The following TICAM1 variants were observed in gnomAD, a reference collection of about 807,000 sequenced individuals.
The protein encoded by TICAM1 is TIR domain-containing adapter molecule 1.
For synonymous variants in TICAM1, 439 were observed against 415.4 expected (o/e 1.06, Z -0.69); for missense variants, 895 against 938.2 (o/e 0.95, Z 0.60).
At chr19:4,821,112 C>T (rs1431968543) in intron 1 of TICAM1, among the ~76,000 whole-genome samples, 1 of 151,152 alleles carries the variant, frequency 6.6e-6, no homozygotes, top group African/African-American at 2.4e-5. Context: ...AGGAGAATCA[C>T]TTGAACCCAA....
chr19:4,816,318 AC>A lies in TICAM1; in HGVS notation c.2059del (p.Val687TyrfsTer5). 1 of 1,553,486 alleles carries A rather than the reference AC, an allele frequency of 6.4e-7. No homozygotes were observed. The highest frequency in any genetic ancestry group is 8.7e-7 in the Non-Finnish European group (1 of 1,151,796). On this transcript the variant is annotated frameshift_variant, in exon 2 of 2. Transcript: ENST00000248244. LOFTEE classifies it low-confidence loss of function (END_TRUNC). The surrounding 1 kb of genome is among the most constrained non-coding windows in gnomAD (Gnocchi z 4.3). ...QPLIIHHAQM[V>X]QLGLNNHMWN... is the part of the protein sequence containing the mutation. ...CATGTGGTTGTTCAGCCCCAGCTGT[AC>A]CATCTGTGCGTGGTGGATAATGAGG...
At position 4,816,489 on chromosome 19, in the gene TICAM1, G is replaced by T. The variant is rs749105540; in HGVS notation, c.1889C>A (p.Pro630Gln). The T allele has an allele frequency of 6.4e-7, 1 of 1,572,350 alleles. No homozygotes were observed. Among genetic ancestry groups the T allele is most frequent in the Non-Finnish European group, 8.6e-7 (1 of 1,161,242 alleles). Residue 630 changes from proline (P) to glutamine (Q), a missense_variant, in exon 2 of 2, where the codon CCG becomes CAG. Physicochemically the swap from Pro to Gln is moderately conservative, Grantham distance 76. Coordinates refer to ENST00000248244, the MANE Select transcript of TICAM1 (RefSeq NM_182919.4). This position sits in a 1 kb window ranked among gnomAD's most constrained non-coding sequence, Gnocchi z 4.3. ...PFPTWPGCPQ[P>Q]PPLHAWQAGT... ...AGCCTGCCATGCGTGCAGGGGTGGC[G>T]GCTGCGGGCACCCCGGCCAAGTGGG... is the stretch of plus-strand genomic sequence containing the variant.
chr19:4,819,811 G>T (rs958886404), intron 1 of TICAM1, among the ~76,000 whole-genome samples: 3 of 151,976 alleles, frequency 2.0e-5, no homozygotes, highest in Non-Finnish European at 4.4e-5. Flanking sequence ...GGAGGCAGAG[G>T]TTGCAGTGAG....
At chr19:4,824,094 C>G (rs1458251502) in intron 1 of TICAM1, among the ~76,000 whole-genome samples, 1 of 152,082 alleles carries the variant, frequency 6.6e-6, no homozygotes, top group Non-Finnish European at 1.5e-5. Context: ...CTGCCACCCC[C>G]CTCTCCTGGG....
intron 1 of TICAM1, among the ~76,000 whole-genome samples, chr19:4,830,208 C>T (rs2093611900): frequency 6.6e-6 from 1 of 152,082 alleles, no homozygotes; most frequent in Admixed American, 6.6e-5. Context: ...CCACCTCAGC[C>T]TCCCGAGTAG....
chr19:4,827,220 G>T (rs181325255), intron 1 of TICAM1, among the ~76,000 whole-genome samples: 2 of 151,006 alleles, frequency 1.3e-5, no homozygotes, highest in African/African-American at 4.8e-5. Context: ...GCATGGTGGC[G>T]CAAGCCTGTA....
chr19:4,830,610 C>A (rs2093612364), intron 1 of TICAM1, among the ~76,000 whole-genome samples: 1 of 152,322 alleles, frequency 6.6e-6, no homozygotes, highest in South Asian at 2.1e-4. Context: ...TCAAGGCAGG[C>A]ACATCTACCC....
chr19:4,828,980 G>A (rs1049748814), intron 1 of TICAM1, among the ~76,000 whole-genome samples: 1 of 151,956 alleles, frequency 6.6e-6, no homozygotes, highest in African/African-American at 2.4e-5. Context: ...GATTACAGGC[G>A]TTAGCCACCA....
chr19:4,817,986 T>C lies in TICAM1; in HGVS notation c.392A>G (p.His131Arg), dbSNP rs564906226. ...AVRTLSSRDD[H>R]RLGELQDEAR... ...CTCATCCTGAAGTTCCCCCAGCCGG[T>C]GGTCGTCCCTGGAGCTGAGGGTGCG... Residue 131 changes from histidine to arginine, a missense_variant, in exon 2 of 2, where the codon CAC (histidine) becomes CGC (arginine). Coordinates refer to ENST00000248244, the MANE Select transcript of TICAM1 (RefSeq NM_182919.4). The surrounding 1 kb of genome is among the most constrained non-coding windows in gnomAD (Gnocchi z 4.7). 1.2e-6 allele frequency: 2 copies of C among 1,612,884 alleles called. No homozygotes were observed. Among genetic ancestry groups the C allele is most frequent in the South Asian group, 1.1e-5 (1 of 91,054 alleles).
chr19:4,821,313 A>G (rs1413508406), intron 1 of TICAM1, among the ~76,000 whole-genome samples: 2 of 152,176 alleles, frequency 1.3e-5, no homozygotes, highest in Non-Finnish European at 2.9e-5. Context: ...CTGACTGTCT[A>G]ATGGTATGTT....
Position 4,817,610 on chromosome 19 carries a change from C to A in TICAM1, c.768G>T (p.Pro256=), listed in dbSNP as rs746548359. The change falls in exon 2 of 2, where the codon CCG becomes CCT. Residue 256 remains proline, a synonymous_variant. Coordinates refer to ENST00000248244, the MANE Select transcript of TICAM1 (RefSeq NM_182919.4). This position sits in a 1 kb window ranked among gnomAD's most constrained non-coding sequence, Gnocchi z 4.7. ...GTGGGCTGGCAATCTCCCCCGATGG[C>A]GGCCAGCTCATCTCCTCAGGCTCCT... ...GCQEPEEMSW[P]PSGEIASPPE... 4.4e-6 allele frequency: 7 copies of A among 1,597,992 alleles called. No homozygotes were observed.
intron 1 of TICAM1, among the ~76,000 whole-genome samples, chr19:4,821,364 A>G (rs181576841): frequency 1.3e-5 from 2 of 152,262 alleles, no homozygotes; most frequent in African/African-American, 4.8e-5. Context: ...ATTACATACG[A>G]CAATATAACG....
At chr19:4,825,090 C>T (rs113182291) in intron 1 of TICAM1, among the ~76,000 whole-genome samples, 8 of 151,438 alleles carry the variant, frequency 5.3e-5, no homozygotes, top group Admixed American at 1.3e-4. Flanking sequence ...GACCAGCCTG[C>T]GCAACATGGT....
Position 4,816,113 on chromosome 19 carries a change from G to T in TICAM1, c.*126C>A. The T allele has an allele frequency of 3.0e-6, 4 of 1,316,182 alleles. No individual in the cohort carries two copies. Among genetic ancestry groups the T allele is most frequent in the Non-Finnish European group, 3.9e-6 (4 of 1,033,408 alleles). The allele number at this position is 1,316,182 out of a possible 1,614,324, so 81.5% of individuals were successfully genotyped here. On this transcript the variant is annotated 3_prime_UTR_variant, in exon 2 of 2. Coordinates refer to ENST00000248244, the MANE Select transcript of TICAM1 (RefSeq NM_182919.4). The surrounding 1 kb of genome is among the most constrained non-coding windows in gnomAD (Gnocchi z 4.3). ...ATGAAGGGCTCCCGGACAATGTCCT[G>T]AAAGTGGCAGATGACCTCATCTTCC...
chr19:4,821,953 G>C (rs1328784746), intron 1 of TICAM1, among the ~76,000 whole-genome samples: 1 of 139,974 alleles, frequency 7.1e-6, no homozygotes, highest in East Asian at 2.1e-4. Context: ...CTTTTTTTTT[G>C]AGACAGAGTT....
In TICAM1 at chr19:4,817,852, T is replaced by G. The variant is rs200795596; in HGVS notation, c.526A>C (p.Arg176=). 7.0e-5 allele frequency: 113 copies of G among 1,612,484 alleles called. No homozygotes were observed. In the East Asian group the frequency reaches 2.5e-3, roughly 35 times the overall value. Residue 176 remains arginine (R), a synonymous_variant, in exon 2 of 2, where the codon AGG becomes CGG. Transcript: ENST00000248244. This position sits in a 1 kb window ranked among gnomAD's most constrained non-coding sequence, Gnocchi z 4.7. ...PPSSALPSGT[R]SLPRPIDGVS... Reference sequence around the variant, plus strand: ...CCGTCAATGGGGCGTGGGAGGCTCCTGGTCCCAGAGGGCAAAGCCGAGGAT... The same window carrying G: ...CCGTCAATGGGGCGTGGGAGGCTCCGGGTCCCAGAGGGCAAAGCCGAGGAT...
intron 1 of TICAM1, among the ~76,000 whole-genome samples, chr19:4,831,348 G>C (rs920161216): frequency 6.6e-6 from 1 of 151,752 alleles, no homozygotes; most frequent in Non-Finnish European, 1.5e-5. Flanking sequence ...GTTTGGGGGA[G>C]GGGTCAGGCT....
chr19:4,818,170 C>T lies in TICAM1; in HGVS notation c.208G>A (p.Ala70Thr). The change falls in exon 2 of 2, where the codon GCC becomes ACC. Residue 70 changes from alanine (A) to threonine (T), a missense_variant. Transcript: ENST00000248244. The surrounding 1 kb of genome is among the most constrained non-coding windows in gnomAD (Gnocchi z 4.0). ...SLEALKADAVARLVARQWAGV... is the reference protein window; with the variant it reads ...SLEALKADAVTRLVARQWAGV... ...GCCCACTGGCGGGCCACCAGCCGGG[C>T]CACCGCATCGGCCTTCAATGCCTCT... 1 of 1,609,270 alleles carries T rather than the reference C, an allele frequency of 6.2e-7. No homozygotes were observed. Among genetic ancestry groups the T allele is most frequent in the Non-Finnish European group, 8.5e-7 (1 of 1,179,402 alleles).
At chr19:4,831,238 A>T (rs1387286869) in intron 1 of TICAM1, among the ~76,000 whole-genome samples, 1 of 147,918 alleles carries the variant, frequency 6.8e-6, no homozygotes, top group Non-Finnish European at 1.5e-5. Flanking sequence ...TGAGGTAGGA[A>T]GCTTGGGTGT....
Sources: gnomAD v4.1 joint callset for allele counts (sites outside exome capture counted in the v4.1 genomes callset) on GRCh38, gnomAD v4.1.1 for gene constraint, Gnocchi (gnomAD v3.1) non-coding constraint, MANE v1.5 for transcripts, NCBI Gene and HGNC (gene_info 2026-07-23, HGNC 2026-07-21) for gene names.